Variants in DBN1 observed in about 807,000 individuals in gnomAD.
DBN1 encodes the protein drebrin.
A neutral mutation model predicts 83.5 loss-of-function variants in DBN1; 21 were observed. That is an observed-to-expected ratio of 0.25 (90% CI 0.18 to 0.36). DBN1 has a LOEUF of 0.36. DBN1 is among the 10% of genes least tolerant of loss of function. The pLI, the probability that DBN1 is intolerant of heterozygous loss-of-function variation, is 1.00. For synonymous variants in DBN1, 381 were observed against 384.9 expected (o/e 0.99, Z 0.12); for missense variants, 874 against 935.7 (o/e 0.93, Z 0.86).
At chr5:177,465,812 G>A (rs1175559617) in intron 8 of DBN1, among the ~76,000 whole-genome samples, 3 of 146,480 alleles carry the variant, frequency 2.0e-5, no homozygotes, top group East Asian at 4.0e-4. Context: ...CCAAGATCAC[G>A]CCATTGCATT....
At chr5:177,472,050 G>A in intron 1 of DBN1, 4 of 1,519,302 alleles carry the variant, frequency 2.6e-6, no homozygotes, top group Non-Finnish European at 3.5e-6. Context: ...CAGCCCCCCT[G>A]GGGCAGGGCT....
chr5:177,457,633 C>G, intron 14 of DBN1, 22 bp downstream of exon 14: 2 of 1,557,994 alleles, frequency 1.3e-6, no homozygotes, highest in Non-Finnish European at 1.8e-6. Context: ...AAATTCCTCC[C>G]CATCATCCAG....
intron 1 of DBN1, 161 bp downstream of exon 1, chr5:177,473,275 C>T (rs1164381635): frequency 5.7e-6 from 2 of 353,466 alleles, no homozygotes; most frequent in Admixed American, 1.0e-4. Context: ...CGGCCCCTCC[C>T]CCGGCGCGCA....
rs755663354 is a variant in DBN1, at chr5:177,468,879, T to C, written c.107A>G (p.Asp36Gly). The C allele has an allele frequency of 5.3e-6, 7 of 1,320,156 alleles. No homozygotes were observed. Among genetic ancestry groups the C allele is most frequent in the African/African-American group, 1.5e-5 (1 of 66,356 alleles). The allele number at this position is 1,320,156 out of a possible 1,614,324, so 81.8% of individuals were successfully genotyped here. A position where few individuals can be genotyped will look rare whatever the true frequency, so the allele number is the denominator to read the frequency against. ...TGCAAGCTTGAGGTCATCGGAGCCA[T>C]CTTCATATGTGTACAGAGCCCTGGG... ...AADWALYTYE[D>G]GSDDLKLAAS... The change falls in exon 2 of 15, where the codon GAT (aspartate) becomes GGT (glycine). Residue 36 changes from aspartate to glycine, a missense_variant. Asp to Gly is a moderately conservative substitution (Grantham distance 94). This residue lies in a region of DBN1 where 82 missense variants were observed against 101.7 expected (regional missense o/e 0.81). Transcript: ENST00000393565.
chr5:177,468,451 G>A (rs1581734067), intron 2 of DBN1: 3 of 576,806 alleles, frequency 5.2e-6, no homozygotes, highest in South Asian at 4.6e-5. Flanking sequence ...GTAGGACTGA[G>A]GAAGTGTTTG....
Position 177,466,648 on chromosome 5 carries a change from C to T in DBN1, c.771+124G>A, listed in dbSNP as rs1757459841. ...CTCATGCTCCATGGCACCCTGTGCC[C>T]ATGCAGCTCCCCAGAACAGCCACCA... On this transcript the variant is annotated intron_variant, in intron 8 of 14. Coordinates refer to ENST00000393565, the MANE Select transcript of DBN1 (RefSeq NM_001363541.2). The surrounding 1 kb of genome is among the most constrained non-coding windows in gnomAD (Gnocchi z 4.8). 1 of 1,109,364 alleles carries T rather than the reference C, an allele frequency of 9.0e-7. No individual in the cohort carries two copies. Among genetic ancestry groups the T allele is most frequent in the Admixed American group, 1.7e-5 (1 of 57,942 alleles). 68.7% of individuals were successfully genotyped at this position (1,109,364 alleles called of 1,614,324 possible). A position where few individuals can be genotyped will look rare whatever the true frequency, so the allele number is the denominator to read the frequency against.
intron 10 of DBN1, among the ~76,000 whole-genome samples, chr5:177,459,949 G>A (rs1756890378): frequency 6.6e-6 from 1 of 152,182 alleles, no homozygotes. Flanking sequence ...GGGACGGCCT[G>A]TGGCGGGACC....
At chr5:177,460,743 C>CA in intron 8 of DBN1, 40 bp from the exon 9 acceptor site, 1 of 1,603,796 alleles carries the variant, frequency 6.2e-7, no homozygotes, top group Non-Finnish European at 8.5e-7. Flanking sequence ...ACCTACCCCC[C>CA]ACAGGGGCTT....
chr5:177,468,371 G>C (rs765002517), intron 2 of DBN1, 151 bp from the exon 3 acceptor site: 1 of 657,854 alleles, frequency 1.5e-6, no homozygotes, highest in South Asian at 1.8e-5. Context: ...GTTTTGTGTT[G>C]GTATGTGTGG....
At chr5:177,472,408 A>G (rs1757915514) in intron 1 of DBN1, 4 of 1,434,636 alleles carry the variant, frequency 2.8e-6, no homozygotes, top group Non-Finnish European at 3.6e-6. Flanking sequence ...CTAGAAGAAG[A>G]GTATTACGGG....
intron 1 of DBN1, 163 bp downstream of exon 1, chr5:177,473,273 C>T: frequency 2.9e-6 from 1 of 344,060 alleles, no homozygotes; most frequent in South Asian, 1.4e-4. Flanking sequence ...GCCGGCCCCT[C>T]CCCCGGCGCG....
intron 1 of DBN1, among the ~76,000 whole-genome samples, chr5:177,470,004 G>A (rs950018120): frequency 1.3e-5 from 2 of 152,242 alleles, no homozygotes; most frequent in Admixed American, 6.5e-5. Flanking sequence ...AGAGGAGGAA[G>A]AAGAGAAAGG....
intron 8 of DBN1, among the ~76,000 whole-genome samples, chr5:177,464,800 CGTG>C (rs1757308958): frequency 6.6e-6 from 1 of 151,526 alleles, no homozygotes; most frequent in Non-Finnish European, 1.5e-5. Context: ...ATTAGCCAGG[CGTG>C]GTGGTGGGCG....
chr5:177,473,491 G>A lies in DBN1; in HGVS notation c.31C>T (p.Leu11=), dbSNP rs1561692444. The change falls in exon 1 of 15, where the codon CTG becomes TTG. Residue 11 remains leucine, a synonymous_variant. Coordinates refer to ENST00000393565, the MANE Select transcript of DBN1 (RefSeq NM_001363541.2). MAGVSFSGHR[L]ELLAAYEEVI... is the part of the protein sequence containing the mutation. Reference sequence around the variant, plus strand: ...TCCTCGTAAGCCGCCAGCAGCTCCAGGCGGTGGCCGCTGAAGCTGACGCCG... The same window carrying A: ...TCCTCGTAAGCCGCCAGCAGCTCCAAGCGGTGGCCGCTGAAGCTGACGCCG... The A allele has an allele frequency of 1.4e-6, 2 of 1,436,288 alleles. No individual in the cohort carries two copies. Among genetic ancestry groups the A allele is most frequent in the South Asian group, 1.4e-5 (1 of 73,872 alleles). 89.0% of individuals were successfully genotyped at this position (1,436,288 alleles called of 1,614,324 possible). A position where few individuals can be genotyped will look rare whatever the true frequency, so the allele number is the denominator to read the frequency against.
rs1264929896 is a variant in DBN1 at position 177,456,688 on chromosome 5, A to C, written c.*745T>G. ...TTGTGCTTTCCAAAAAAAAAAAAAA[A>C]AAAAAAAAAAAAACAGTTACTAAAC... On this transcript the variant is annotated 3_prime_UTR_variant, in exon 15 of 15. Transcript: ENST00000393565. 3.3e-5 allele frequency: 5 copies of C among 151,438 alleles called. No individual in the cohort carries two copies. Among genetic ancestry groups the C allele is most frequent in the African/African-American group, 1.2e-4 (5 of 41,072 alleles). 9.4% of individuals were successfully genotyped at this position (151,438 alleles called of 1,614,324 possible).
chr5:177,470,182 A>G (rs1484272580), intron 1 of DBN1, among the ~76,000 whole-genome samples: 3 of 152,102 alleles, frequency 2.0e-5, no homozygotes, highest in African/African-American at 7.2e-5. Context: ...TCCTGGTCCA[A>G]CTGTTACCCC....
rs1756747535 is a variant in DBN1, at chr5:177,458,570, T to G, written c.1402A>C (p.Met468Leu). ...GCCTGCTCTGCAGACTCCATGAACATCAAGTCCTCTGCAGGGCTGCCTGGC... is the reference window on the plus strand; with the variant it reads ...GCCTGCTCTGCAGACTCCATGAACAGCAAGTCCTCTGCAGGGCTGCCTGGC... Reference protein sequence around the residue: ...RGPGSPAEDLMFMESAEQAVL... With the variant: ...RGPGSPAEDLLFMESAEQAVL... The change falls in exon 13 of 15, where the codon ATG becomes CTG. Residue 468 changes from methionine to leucine, a missense_variant. Around this residue, in one of 4 missense-constraint regions of DBN1, gnomAD observed 725 missense variants for 719.7 expected, o/e 1.01. Transcript: ENST00000393565. 2.5e-6 allele frequency: 4 copies of G among 1,614,032 alleles called. No homozygotes were observed. Among genetic ancestry groups the G allele is most frequent in the Non-Finnish European group, 3.4e-6 (4 of 1,179,970 alleles).
In DBN1 at chr5:177,467,553, G is replaced by T; in HGVS notation, c.405C>A (p.Asn135Lys). 6.4e-7 allele frequency: 1 copy of T among 1,565,054 alleles called. No individual in the cohort carries two copies. The highest frequency in any genetic ancestry group is 8.7e-7 in the Non-Finnish European group (1 of 1,154,906). Residue 135 changes from asparagine to lysine, a missense_variant, in exon 5 of 15, where the codon AAC becomes AAA. Coordinates refer to ENST00000393565, the MANE Select transcript of DBN1 (RefSeq NM_001363541.2). The surrounding 1 kb of genome is among the most constrained non-coding windows in gnomAD (Gnocchi z 9.1). ...CAGGGCTGGAGAGTCGCGCCAGCCC[G>T]TTAGAGAGCCGCTGCCCGATGGCAC... is the stretch of plus-strand genomic sequence containing the variant. ...DAGAIGQRLSNGLARLSSPVL... is the reference protein window; with the variant it reads ...DAGAIGQRLSKGLARLSSPVL...
chr5:177,459,396 A>AC, intron 11 of DBN1, 128 bp from the exon 12 acceptor site: 1 of 1,443,980 alleles, frequency 6.9e-7, no homozygotes, highest in South Asian at 1.4e-5. Context: ...CTCCAGCCCC[A>AC]CCAGGGGCCA....
Sources: allele counts gnomAD v4.1 joint callset (sites outside exome capture counted in the v4.1 genomes callset), GRCh38; gene constraint gnomAD v4.1.1; regional missense constraint gnomAD v4.1.1; non-coding constraint Gnocchi (gnomAD v3.1); transcripts MANE v1.5; gene names NCBI Gene and HGNC (gene_info 2026-07-23, HGNC 2026-07-21).